Variants in R3HDM1 observed in about 807,000 individuals in gnomAD.
The protein encoded by R3HDM1 is R3H domain containing 1.
In R3HDM1, 46 loss-of-function variants were observed where a neutral mutation model predicts 141.1. The ratio of observed to expected loss-of-function variants is 0.33; its 90% CI spans 0.26 to 0.42. The LOEUF (loss-of-function observed/expected upper bound fraction) is 0.42. R3HDM1 is among the 10% of genes least tolerant of loss of function. The pLI, the probability that R3HDM1 is intolerant of heterozygous loss-of-function variation, is 1.00. For missense variants in R3HDM1, 1,184 were observed against 1,368.3 expected, an observed-to-expected ratio of 0.87 and a Z score of 2.12; for synonymous variants, 435 against 472.9, an observed-to-expected ratio of 0.92 and a Z score of 1.04.
Position 135,641,567 on chromosome 2 carries a change from T to C in R3HDM1, c.1251T>C (p.Ser417=). Residue 417 remains serine (S), a synonymous_variant, in exon 15 of 27, where the codon TCT becomes TCC. Coordinates refer to ENST00000683871, the MANE Select transcript of R3HDM1 (RefSeq NM_001378107.1). ...AGTCTTCTGGTAGTGTAGGGTCATC[T>C]ACAGGCTCTCTTTCTCACATCCAGC... ...GSESSGSVGS[S]TGSLSHIQQP... is the part of the protein sequence containing the mutation. 1 of 1,614,110 alleles carries C rather than the reference T, an allele frequency of 6.2e-7. No homozygotes were observed. Among genetic ancestry groups the C allele is most frequent in the Non-Finnish European group, 8.5e-7 (1 of 1,179,940 alleles).
chr2:135,678,496 C>G (rs988752046), intron 20 of R3HDM1, among the ~76,000 whole-genome samples: 1 of 151,738 alleles, frequency 6.6e-6, no homozygotes. Flanking sequence ...GCCTGTAACC[C>G]CAGCACTGTA....
At chr2:135,706,060 C>T (rs191295276) in intron 21 of R3HDM1, among the ~76,000 whole-genome samples, 70 of 149,464 alleles carry the variant, frequency 4.7e-4, no homozygotes, top group African/African-American at 1.7e-3. Flanking sequence ...ACCCGGGAGG[C>T]GGAGCTTGCA....
At chr2:135,633,226 T>C (rs2062893062) in intron 9 of R3HDM1, among the ~76,000 whole-genome samples, 1 of 152,168 alleles carries the variant, frequency 6.6e-6, no homozygotes, top group Admixed American at 6.6e-5. Context: ...CTTTTTCCAG[T>C]CAGTTATATC....
At chr2:135,673,583 T>G (rs901977384) in intron 19 of R3HDM1, among the ~76,000 whole-genome samples, 1 of 152,206 alleles carries the variant, frequency 6.6e-6, no homozygotes, top group African/African-American at 2.4e-5. Flanking sequence ...CCTGTAAGTT[T>G]AAGTAGTATA....
At chr2:135,704,845 T>A (rs1267518596) in intron 21 of R3HDM1, among the ~76,000 whole-genome samples, 1 of 152,222 alleles carries the variant, frequency 6.6e-6, no homozygotes, top group Non-Finnish European at 1.5e-5. Flanking sequence ...CTATTAAAAA[T>A]TCATTAATAT....
rs1384859971 is a variant in R3HDM1 at position 135,625,602 on chromosome 2, A to G, written c.497+2870A>G. On this transcript the variant is annotated intron_variant, in intron 7 of 26. Transcript: ENST00000683871. ...CAAAGAGCTATCTTTTTGTATGCTA[A>G]TGTTGACTGATAGCTTCAAGATATC... Among the ~76,000 whole-genome samples, 3 of 152,280 alleles carry G rather than the reference A, an allele frequency of 2.0e-5. No individual in the cohort carries two copies. The South Asian group carries it at 6.2e-4, about 32-fold the overall frequency.
At chr2:135,608,307 C>T (rs1403907663) in intron 3 of R3HDM1, among the ~76,000 whole-genome samples, 1 of 151,566 alleles carries the variant, frequency 6.6e-6, no homozygotes, top group Non-Finnish European at 1.5e-5. Context: ...CACAGCGAGA[C>T]TCCATCTCAA....
In R3HDM1 at chr2:135,660,845, CA is replaced by C. The variant is rs11408908; in HGVS notation, c.2029-411del. On this transcript the variant is annotated intron_variant, in intron 18 of 26. Coordinates refer to ENST00000683871, the MANE Select transcript of R3HDM1 (RefSeq NM_001378107.1). Reference sequence around the variant, plus strand: ...TGGGCGACAGAATGAGACTCCACCTCAAAAAAAAAAAAAACCTAAAAATAAA... The same window carrying C: ...TGGGCGACAGAATGAGACTCCACCTCAAAAAAAAAAAAACCTAAAAATAAA... Among the ~76,000 whole-genome samples, 225 of 100,898 alleles carry C rather than the reference CA, an allele frequency of 2.2e-3. 1 individual carries two copies. The highest frequency in any genetic ancestry group is 6.1e-3 in the African/African-American group (159 of 26,186). The allele number at this position is 100,898 out of a possible 152,430, so 66.2% of individuals were successfully genotyped here. A position where few individuals can be genotyped will look rare whatever the true frequency, so the allele number is the denominator to read the frequency against.
chr2:135,555,186 G>C (rs943975877), intron 1 of R3HDM1, among the ~76,000 whole-genome samples: 3 of 151,610 alleles, frequency 2.0e-5, no homozygotes, highest in African/African-American at 7.3e-5. Flanking sequence ...TGTAGTCCTA[G>C]CTACTCGGGA....
chr2:135,684,083 T>C (rs938777907), intron 21 of R3HDM1, among the ~76,000 whole-genome samples: 1 of 151,862 alleles, frequency 6.6e-6, no homozygotes, highest in Non-Finnish European at 1.5e-5. Context: ...TTGTTTTGTT[T>C]TGTTTTGTTT....
chr2:135,634,585 A>G (rs929037569), intron 9 of R3HDM1, among the ~76,000 whole-genome samples: 5 of 152,222 alleles, frequency 3.3e-5, no homozygotes, highest in Non-Finnish European at 7.3e-5. Context: ...CAGAGGTTGC[A>G]GTGAGCCAAG....
chr2:135,647,847 T>C (rs1013604560), intron 16 of R3HDM1, among the ~76,000 whole-genome samples: 1 of 152,232 alleles, frequency 6.6e-6, no homozygotes, highest in Non-Finnish European at 1.5e-5. Flanking sequence ...GAAAAGGATG[T>C]GCTAAGGCTC....
chr2:135,556,579 C>T (rs981986239), intron 1 of R3HDM1, among the ~76,000 whole-genome samples: 1 of 149,582 alleles, frequency 6.7e-6, no homozygotes, highest in African/African-American at 2.5e-5. Context: ...AGTGCAGTGG[C>T]GCAATCTTGG....
intron 1 of R3HDM1, among the ~76,000 whole-genome samples, chr2:135,545,664 G>A (rs957196681): frequency 2.0e-5 from 3 of 152,178 alleles, no homozygotes; most frequent in African/African-American, 7.2e-5. Flanking sequence ...TACTGGAGGT[G>A]TGGTTCTGGG....
At chr2:135,685,175 T>C (rs2071116396) in intron 21 of R3HDM1, among the ~76,000 whole-genome samples, 1 of 152,164 alleles carries the variant, frequency 6.6e-6, no homozygotes, top group Non-Finnish European at 1.5e-5. Flanking sequence ...ATAAGTAATA[T>C]TATGTCATCC....
At chr2:135,588,981 G>T (rs1398746406) in intron 1 of R3HDM1, among the ~76,000 whole-genome samples, 1 of 152,084 alleles carries the variant, frequency 6.6e-6, no homozygotes, top group Admixed American at 6.5e-5. Flanking sequence ...AGTACAGAGA[G>T]TATTTTTTAA....
chr2:135,663,523 T>G (rs912206434), intron 19 of R3HDM1, among the ~76,000 whole-genome samples: 1 of 152,202 alleles, frequency 6.6e-6, no homozygotes, highest in Non-Finnish European at 1.5e-5. Flanking sequence ...CCTCAAAGCA[T>G]TCTTATCTAA....
chr2:135,651,483 T>C (rs2065140258), intron 17 of R3HDM1: 1 of 965,818 alleles, frequency 1.0e-6, no homozygotes, highest in African/African-American at 1.8e-5. Flanking sequence ...TGTTGTACCC[T>C]ACTCTTTTCT....
chr2:135,561,443 G>A (rs565935418), intron 1 of R3HDM1: 39 of 719,346 alleles, frequency 5.4e-5, no homozygotes, highest in Middle Eastern at 7.0e-4. Flanking sequence ...TTGGTGGGAC[G>A]TGGTGGCTCA....
Sources: allele counts gnomAD v4.1 joint callset (sites outside exome capture counted in the v4.1 genomes callset), GRCh38; gene constraint gnomAD v4.1.1; transcripts MANE v1.5; gene names NCBI Gene and HGNC (gene_info 2026-07-23, HGNC 2026-07-21).